The following CARNMT1 variants were observed in gnomAD, a reference collection of about 807,000 sequenced individuals.
CARNMT1 encodes carnosine N-methyltransferase 1, also known as protein-L-histidine N-pros-methyltransferase CARNMT1.
In CARNMT1, 28 loss-of-function variants were observed where a neutral mutation model predicts 49.6. That is an observed-to-expected ratio of 0.56 (90% CI 0.42 to 0.77). The LOEUF is 0.77. CARNMT1 is among the 30% of genes least tolerant of loss of function. The pLI is 0.00. For synonymous variants in CARNMT1, 178 were observed against 175.0 expected (o/e 1.02, Z -0.13); for missense variants, 421 against 512.6 (o/e 0.82, Z 1.73).
At chr9:74,993,989 A>C (rs150280660) in intron 6 of CARNMT1, among the ~76,000 whole-genome samples, 56 of 152,288 alleles carry the variant, frequency 3.7e-4, no homozygotes, top group African/African-American at 1.3e-3. Flanking sequence ...CCTAATCCCC[A>C]GTGTGGCTGT....
rs116034062 is a variant in CARNMT1 at position 75,024,536 on chromosome 9, G to A, written c.230+3476C>T. On this transcript the variant is annotated intron_variant, in intron 1 of 7. Coordinates refer to ENST00000376834, the MANE Select transcript of CARNMT1 (RefSeq NM_152420.3). ...TGCTGAGGTGCTTCATTCGTAACAA[G>A]ACTGGGTTATAAAACTAACATTTTT... Among the ~76,000 whole-genome samples the A allele has an allele frequency of 2.5e-3, 375 of 152,316 alleles. 1 individual carries two copies. Among genetic ancestry groups the A allele is most frequent in the African/African-American group, 8.7e-3 (361 of 41,568 alleles).
chr9:75,010,119 CT>C (rs1187457398), intron 3 of CARNMT1: 8,185 of 82,164 alleles, frequency 0.1, 130 homozygotes, highest in East Asian at 0.18. Context: ...GGAAGAAATT[CT>C]TTTTTTTTTT....
At chr9:75,027,772 C>T (rs1822572989) in intron 1 of CARNMT1, among the ~76,000 whole-genome samples, 1 of 152,232 alleles carries the variant, frequency 6.6e-6, no homozygotes, top group South Asian at 2.1e-4. Context: ...CTAATCTGAT[C>T]CTGAGGTCAG....
rs533205518 is a variant in CARNMT1, at chr9:74,995,973, G to T, written c.1024+474C>A. ...AAAAATTTTGCATAAAAAAAATTGTGTTTCTATTCTTTCTTAAACTCAAGG... is the reference window on the plus strand; with the variant it reads ...AAAAATTTTGCATAAAAAAAATTGTTTTTCTATTCTTTCTTAAACTCAAGG... On this transcript the variant is annotated intron_variant, in intron 6 of 7. Transcript: ENST00000376834. 311 of 152,202 alleles carry T rather than the reference G, an allele frequency of 2.0e-3. 1 individual carries two copies. The highest frequency in any genetic ancestry group is 4.8e-3 in the South Asian group (23 of 4,824). 9.4% of individuals were successfully genotyped at this position (152,202 alleles called of 1,614,324 possible). A position where few individuals can be genotyped will look rare whatever the true frequency, so the allele number is the denominator to read the frequency against.
chr9:75,028,088 G>A lies in CARNMT1; in HGVS notation c.154C>T (p.Arg52Cys). 1.3e-6 allele frequency: 2 copies of A among 1,560,592 alleles called. No homozygotes were observed. Among genetic ancestry groups the A allele is most frequent in the Middle Eastern group, 1.7e-4 (1 of 5,954 alleles). Residue 52 changes from arginine to cysteine, a missense_variant, in exon 1 of 8, where the codon CGC (arginine) becomes TGC (cysteine). Arg to Cys is a radical substitution (Grantham distance 180). This residue lies in a region of CARNMT1 where 186 missense variants were observed against 167.9 expected (regional missense o/e 1.11). Coordinates refer to ENST00000376834, the MANE Select transcript of CARNMT1 (RefSeq NM_152420.3). Reference protein sequence around the residue: ...AVSAAAAAATRSTEEEEERLE... With the variant: ...AVSAAAAAATCSTEEEEERLE... ...CTCTCCTCCTCCTCCTCGGTGCTGC[G>A]CGTGGCCGCCGCCGCTGCCGCCGAA...
chr9:75,022,220 T>C (rs1822389140), intron 1 of CARNMT1, among the ~76,000 whole-genome samples: 1 of 131,578 alleles, frequency 7.6e-6, no homozygotes, highest in African/African-American at 2.8e-5. Context: ...ATACTTTTTT[T>C]TTTTTTTTTT....
At chr9:75,024,355 A>C (rs1822464301) in intron 1 of CARNMT1, among the ~76,000 whole-genome samples, 1 of 152,216 alleles carries the variant, frequency 6.6e-6, no homozygotes, top group Non-Finnish European at 1.5e-5. Context: ...GGATTGTGTA[A>C]CCCTGAGCAA....
At chr9:74,994,605 T>C (rs1279467279) in intron 6 of CARNMT1, among the ~76,000 whole-genome samples, 4 of 151,822 alleles carry the variant, frequency 2.6e-5, no homozygotes, top group African/African-American at 7.2e-5. Flanking sequence ...GGAAAAGCCA[T>C]GAGATTAGGT....
At chr9:75,022,885 A>G (rs1822414981) in intron 1 of CARNMT1, among the ~76,000 whole-genome samples, 1 of 152,224 alleles carries the variant, frequency 6.6e-6, no homozygotes. Context: ...CTGTAATCCC[A>G]GCACTTTGAG....
intron 3 of CARNMT1, among the ~76,000 whole-genome samples, chr9:75,008,168 T>TTA (rs1491495411): frequency 1.0e-4 from 5 of 48,714 alleles, no homozygotes; most frequent in Admixed American, 5.7e-4. Context: ...GCTGATGAGC[T>TTA]AAAAAAAAAA....
At chr9:75,016,153 A>C (rs186297202) in intron 3 of CARNMT1, 115 bp downstream of exon 3, 3 of 748,648 alleles carry the variant, frequency 4.0e-6, no homozygotes, top group Non-Finnish European at 6.5e-6. Flanking sequence ...TACACATGTA[A>C]AACATACAGG....
At chr9:75,012,284 G>T (rs1202252434) in intron 3 of CARNMT1, among the ~76,000 whole-genome samples, 118 of 133,992 alleles carry the variant, frequency 8.8e-4, no homozygotes, top group Non-Finnish European at 9.2e-4. Flanking sequence ...CAAGTTTTTG[G>T]TTTTTTTTTT....
At chr9:75,019,587 C>G (rs1453591400) in intron 1 of CARNMT1, among the ~76,000 whole-genome samples, 1 of 152,168 alleles carries the variant, frequency 6.6e-6, no homozygotes, top group Non-Finnish European at 1.5e-5. Context: ...ATTAACTTAA[C>G]AAGAACCTTG....
chr9:75,008,231 T>C (rs1478916090), intron 3 of CARNMT1, among the ~76,000 whole-genome samples: 1 of 150,934 alleles, frequency 6.6e-6, no homozygotes, highest in Non-Finnish European at 1.5e-5. Flanking sequence ...TATGAATTTG[T>C]GCTGGGCCAC....
intron 1 of CARNMT1, chr9:75,027,073 G>C: frequency 1.5e-6 from 2 of 1,304,190 alleles, no homozygotes; most frequent in Non-Finnish European, 2.0e-6. Context: ...GGTCATGTCT[G>C]TCTGATTCCA....
chr9:75,013,598 T>C (rs1833762672), intron 3 of CARNMT1, among the ~76,000 whole-genome samples: 1 of 151,690 alleles, frequency 6.6e-6, no homozygotes, highest in African/African-American at 2.4e-5. Context: ...TGAAGATCTC[T>C]GTGAAATGAC....
intron 5 of CARNMT1, among the ~76,000 whole-genome samples, chr9:74,998,216 T>C (rs1833250213): frequency 6.6e-6 from 1 of 152,238 alleles, no homozygotes; most frequent in Non-Finnish European, 1.5e-5. Context: ...CCAATCACCT[T>C]GTTCATATCT....
chr9:75,013,411 G>A (rs1281683007), intron 3 of CARNMT1, among the ~76,000 whole-genome samples: 1 of 152,050 alleles, frequency 6.6e-6, no homozygotes, highest in African/African-American at 2.4e-5. Flanking sequence ...AAAAATTAAA[G>A]TTATACCTCC....
At chr9:74,992,285 A>G (rs568252744) in intron 6 of CARNMT1, among the ~76,000 whole-genome samples, 51 of 152,158 alleles carry the variant, frequency 3.4e-4, no homozygotes, top group African/African-American at 1.2e-3. Context: ...AAAAAAAAGA[A>G]AAAAAAATTC....
Sources: gnomAD v4.1 joint callset for allele counts (sites outside exome capture counted in the v4.1 genomes callset) on GRCh38, gnomAD v4.1.1 for gene constraint, gnomAD v4.1.1 regional missense constraint, MANE v1.5 for transcripts, NCBI Gene and HGNC (gene_info 2026-07-23, HGNC 2026-07-21) for gene names.